Variants in TCF12 observed in about 807,000 individuals in gnomAD.
TCF12 encodes DNA-binding protein HTF4.
In TCF12, 45 loss-of-function variants were observed where a neutral mutation model predicts 86.0. That is an observed-to-expected ratio of 0.52 (90% CI 0.41 to 0.67). The LOEUF is 0.67. TCF12 is among the 30% of genes least tolerant of loss of function. The probability of loss-of-function intolerance (pLI) is 0.00; values close to 1 mark genes in which losing one functional copy is unlikely to be tolerated. For synonymous variants in TCF12, 330 were observed against 299.6 expected (o/e 1.10, Z -1.05); for missense variants, 881 against 859.9 (o/e 1.02, Z -0.31).
chr15:57,258,285 A>T lies in TCF12; in HGVS notation c.1468-3809A>T, dbSNP rs116226514. ...ACAAAGTGAGACCCTGTATCAATTT[A>T]AAAAAAAGGGGAATCGTGAATTTCA... is the stretch of plus-strand genomic sequence containing the variant. On this transcript the variant is annotated intron_variant, in intron 16 of 20. Coordinates refer to ENST00000333725, the MANE Select transcript of TCF12 (RefSeq NM_207037.2). 2.9e-3 allele frequency among the ~76,000 whole-genome samples: 443 copies of T among 151,680 alleles called. 1 individual carries two copies. Among genetic ancestry groups the T allele is most frequent in the Non-Finnish European group, 4.9e-3 (335 of 67,906 alleles).
intron 16 of TCF12, among the ~76,000 whole-genome samples, chr15:57,257,144 A>G (rs1000099268): frequency 2.0e-5 from 3 of 152,218 alleles, no homozygotes; most frequent in Admixed American, 6.5e-5. Context: ...ATTTACAAAA[A>G]CATAGGTCAA....
chr15:57,029,869 A>C (rs2066044202), intron 3 of TCF12, among the ~76,000 whole-genome samples: 1 of 152,228 alleles, frequency 6.6e-6, no homozygotes, highest in Non-Finnish European at 1.5e-5. Context: ...TTCACTAAGC[A>C]TAATTACATG....
intron 6 of TCF12, among the ~76,000 whole-genome samples, chr15:57,170,719 AT>A (rs1320838527): frequency 4.2e-4 from 1 of 2,390 alleles, no homozygotes; most frequent in Non-Finnish European, 1.1e-3. Context: ...TATAATATAT[AT>A]ATTATATATT....
At chr15:57,116,675 G>C (rs1224975346) in intron 5 of TCF12, among the ~76,000 whole-genome samples, 1 of 152,096 alleles carries the variant, frequency 6.6e-6, no homozygotes, top group African/African-American at 2.4e-5. Flanking sequence ...TATTTTCTAA[G>C]TCCAGATTTT....
chr15:56,925,904 A>G (rs2059990010), intron 3 of TCF12, among the ~76,000 whole-genome samples: 1 of 152,256 alleles, frequency 6.6e-6, no homozygotes, highest in South Asian at 2.1e-4. Context: ...GCTTTGTTAA[A>G]TAGTTGTGCC....
At chr15:57,258,935 CTTCCA>C (rs1334311021) in intron 16 of TCF12, among the ~76,000 whole-genome samples, 1 of 152,072 alleles carries the variant, frequency 6.6e-6, no homozygotes, top group African/African-American at 2.4e-5. Flanking sequence ...TCATTTTAAT[CTTCCA>C]TTTGGACAGT....
intron 8 of TCF12, among the ~76,000 whole-genome samples, chr15:57,216,527 G>C (rs2058336707): frequency 7.1e-6 from 1 of 140,742 alleles, no homozygotes; most frequent in Non-Finnish European, 1.5e-5. Flanking sequence ...CGTTTTGTCA[G>C]ACTGAGTCAT....
At chr15:56,932,955 A>G (rs2140280473) in intron 3 of TCF12, among the ~76,000 whole-genome samples, 1 of 152,348 alleles carries the variant, frequency 6.6e-6, no homozygotes, top group East Asian at 1.9e-4. Context: ...AAATAGCTAC[A>G]ACCTCAGATA....
At chr15:56,971,387 A>G (rs553679225) in intron 3 of TCF12, among the ~76,000 whole-genome samples, 1 of 152,292 alleles carries the variant, frequency 6.6e-6, no homozygotes, top group Admixed American at 6.5e-5. Context: ...AGATCACGCC[A>G]CTGGACTACA....
chr15:56,985,493 T>C (rs1248548557), intron 3 of TCF12, among the ~76,000 whole-genome samples: 2 of 152,228 alleles, frequency 1.3e-5, no homozygotes, highest in Non-Finnish European at 2.9e-5. Flanking sequence ...CTGGTTAATT[T>C]ATCCAGATAC....
intron 5 of TCF12, among the ~76,000 whole-genome samples, chr15:57,120,774 T>G (rs915528911): frequency 1.1e-4 from 16 of 152,184 alleles, no homozygotes; most frequent in African/African-American, 3.9e-4. Flanking sequence ...TCTCAGTGTG[T>G]AGGAAAGTGA....
At chr15:57,067,158 A>AT (rs2068950213) in intron 4 of TCF12, among the ~76,000 whole-genome samples, 1 of 152,198 alleles carries the variant, frequency 6.6e-6, no homozygotes. Flanking sequence ...TTTAGAGGTG[A>AT]TTAAGTTTCT....
chr15:56,960,736 A>G (rs762890931), intron 3 of TCF12, among the ~76,000 whole-genome samples: 1 of 151,754 alleles, frequency 6.6e-6, no homozygotes, highest in Non-Finnish European at 1.5e-5. Context: ...GGCCTACTGT[A>G]TTGTACTTTA....
chr15:57,134,323 G>T (rs1209022783), intron 5 of TCF12: 1 of 152,168 alleles, frequency 6.6e-6, no homozygotes, highest in Non-Finnish European at 1.5e-5. Context: ...ATTAACATTT[G>T]CATGAGTTGT....
chr15:57,208,749 C>A (rs370432852), intron 8 of TCF12, among the ~76,000 whole-genome samples: 1 of 151,020 alleles, frequency 6.6e-6, no homozygotes, highest in Non-Finnish European at 1.5e-5. Context: ...AGTCTGTGGT[C>A]CAGGCTGGAG....
Position 56,946,063 on chromosome 15 carries a change from G to A in TCF12, c.148+24965G>A, listed in dbSNP as rs546868876. ...TTCTTTATAAATTTCTCAGTCTCAC[G>A]TACTCTGTTGTAGCAGCATAAAACA... On this transcript the variant is annotated intron_variant, in intron 3 of 20. Coordinates refer to ENST00000333725, the MANE Select transcript of TCF12 (RefSeq NM_207037.2). Among the ~76,000 whole-genome samples the A allele has an allele frequency of 2.1e-4, 32 of 152,188 alleles. 1 individual carries two copies. Among genetic ancestry groups the A allele is most frequent in the East Asian group, 1.5e-3 (8 of 5,184 alleles).
chr15:57,190,579 C>G (rs1338160734), intron 6 of TCF12, among the ~76,000 whole-genome samples: 1 of 152,048 alleles, frequency 6.6e-6, no homozygotes, highest in Non-Finnish European at 1.5e-5. Flanking sequence ...TCTTCTTTCC[C>G]TCTCCTGTCT....
At chr15:57,275,506 T>G (rs2061364116) in intron 19 of TCF12, among the ~76,000 whole-genome samples, 1 of 149,084 alleles carries the variant, frequency 6.7e-6, no homozygotes, top group Admixed American at 6.8e-5. Context: ...TTTAGAACCC[T>G]TCATACAGGC....
At chr15:56,938,890 C>T (rs1555451555) in intron 3 of TCF12, among the ~76,000 whole-genome samples, 1 of 152,158 alleles carries the variant, frequency 6.6e-6, no homozygotes, top group Non-Finnish European at 1.5e-5. Flanking sequence ...TGATTTGTCT[C>T]AGGACCTACT....
Sources: gnomAD v4.1 joint callset for allele counts (sites outside exome capture counted in the v4.1 genomes callset) on GRCh38, gnomAD v4.1.1 for gene constraint, MANE v1.5 for transcripts, NCBI Gene and HGNC (gene_info 2026-07-23, HGNC 2026-07-21) for gene names.